The following KANSL3 variants were observed in gnomAD, a reference collection of about 807,000 sequenced individuals.
KANSL3 encodes the protein KAT8 regulatory NSL complex subunit 3, also known as NSL complex protein NSL3.
KANSL3 carries 16 observed loss-of-function variants against 89.2 expected under a neutral mutation model. That is an observed-to-expected ratio of 0.18 (90% CI 0.12 to 0.27). The LOEUF is 0.27. KANSL3 is among the 10% of genes least tolerant of loss of function. The pLI is 1.00. For synonymous variants in KANSL3, 385 were observed against 419.7 expected (o/e 0.92, Z 1.01); for missense variants, 879 against 1,110.6 (o/e 0.79, Z 2.96).
intron 18 of KANSL3, 92 bp downstream of exon 18, chr2:96,602,659 ACT>A (rs1352882727): frequency 6.2e-6 from 6 of 970,446 alleles, no homozygotes; most frequent in Non-Finnish European, 9.3e-6. Flanking sequence ...TCCTTGATCC[ACT>A]GACTCCAGAC....
At chr2:96,611,263 C>T (rs778007914) in intron 9 of KANSL3, 125 bp from the exon 10 acceptor site, 6 of 736,920 alleles carry the variant, frequency 8.1e-6, no homozygotes, top group Admixed American at 4.2e-5. Context: ...TCCTAATATC[C>T]GGGTGCATCT....
intron 14 of KANSL3, chr2:96,606,324 CTT>C (rs1293202566): frequency 1.3e-5 from 2 of 152,574 alleles, no homozygotes; most frequent in South Asian, 4.1e-4. Flanking sequence ...TACAGCCAAG[CTT>C]TTTGGACTCT....
chr2:96,611,230 C>G, intron 9 of KANSL3, 92 bp from the exon 10 acceptor site: 1 of 962,820 alleles, frequency 1.0e-6, no homozygotes, highest in South Asian at 1.3e-5. Flanking sequence ...ACCCACCAGA[C>G]AGTCTCACCT....
At chr2:96,612,998 G>T in intron 6 of KANSL3, 64 bp from the exon 7 acceptor site, 1 of 1,076,490 alleles carries the variant, frequency 9.3e-7, no homozygotes, top group Non-Finnish European at 1.4e-6. Flanking sequence ...GAAATTCCAA[G>T]TATCCCAATA....
chr2:96,617,452 CAAT>C (rs1488931348), intron 5 of KANSL3, among the ~76,000 whole-genome samples: 2 of 151,552 alleles, frequency 1.3e-5, no homozygotes, highest in Non-Finnish European at 2.9e-5. Context: ...ACATAAGAAA[CAAT>C]GAGTCTGCAA....
intron 17 of KANSL3, 119 bp downstream of exon 17, chr2:96,604,131 T>C (rs1012032048): frequency 2.5e-6 from 3 of 1,198,120 alleles, no homozygotes; most frequent in Non-Finnish European, 3.4e-6. Context: ...CTATGATCAC[T>C]CTAAGACCCA....
chr2:96,581,931 T>C, the KANSL3 span, among the ~76,000 whole-genome samples: 1 of 152,222 alleles, frequency 6.6e-6, no homozygotes, highest in African/African-American at 2.4e-5. Flanking sequence ...ATAAAAATAC[T>C]TCAGCTATTA....
At chr2:96,584,153 T>C in the KANSL3 span, among the ~76,000 whole-genome samples, 1 of 152,176 alleles carries the variant, frequency 6.6e-6, no homozygotes, top group African/African-American at 2.4e-5. Flanking sequence ...CTGTGGTGTG[T>C]CTATTCTTTT....
intron 20 of KANSL3, chr2:96,600,640 A>T (rs2067044498): frequency 3.0e-6 from 3 of 985,446 alleles, no homozygotes; most frequent in Non-Finnish European, 3.6e-6. Flanking sequence ...ATACTGAAGG[A>T]AAGCACACTC....
At position 96,612,808 on chromosome 2, in the gene KANSL3, C is replaced by A; in HGVS notation, c.912+10G>T. On this transcript the variant is annotated intron_variant, in intron 7 of 20. Coordinates refer to ENST00000431828, the MANE Select transcript of KANSL3 (RefSeq NM_001115016.3). ...TGCCAGGAAGGAGTTCCTCTTGCCC[C>A]CACACATACCTTGCCCAAGCAGGAC... The A allele has an allele frequency of 6.5e-7, 1 of 1,546,062 alleles. No homozygotes were observed. Among genetic ancestry groups the A allele is most frequent in the East Asian group, 2.4e-5 (1 of 41,250 alleles).
chr2:96,605,412 G>T lies in KANSL3; in HGVS notation c.1841C>A (p.Thr614Asn), dbSNP rs1220865921. 1 of 1,613,844 alleles carries T rather than the reference G, an allele frequency of 6.2e-7. No homozygotes were observed. Among genetic ancestry groups the T allele is most frequent in the African/African-American group, 1.3e-5 (1 of 74,936 alleles). The part of the protein sequence containing the change: ...HPSSPLPGSK[T>N]SKRPKIKVSL... Reference sequence around the variant, plus strand: ...CACCTTGATCTTCGGTCGTTTGGAGGTCTTACTGCCAGGAAGGGGACTCGA... The same window carrying T: ...CACCTTGATCTTCGGTCGTTTGGAGTTCTTACTGCCAGGAAGGGGACTCGA... Residue 614 changes from threonine (T) to asparagine (N), a missense_variant, in exon 15 of 21, where the codon ACC (threonine) becomes AAC (asparagine). Around this residue, in one of 6 missense-constraint regions of KANSL3, gnomAD observed 317 missense variants for 311.2 expected, o/e 1.02. Transcript: ENST00000431828.
At chr2:96,586,716 G>A in the KANSL3 span, among the ~76,000 whole-genome samples, 8 of 152,276 alleles carry the variant, frequency 5.3e-5, 1 homozygote, top group South Asian at 1.7e-3. Context: ...AGGCTTCAAC[G>A]CCTGGCCTTA....
intron 2 of KANSL3, among the ~76,000 whole-genome samples, chr2:96,633,295 C>T (rs917416468): frequency 2.0e-4 from 31 of 152,044 alleles, no homozygotes; most frequent in Admixed American, 1.9e-3. Context: ...TCAGGCTGGG[C>T]GTAGTGGCTC....
At chr2:96,618,935 C>T (rs1317327645) in intron 5 of KANSL3, among the ~76,000 whole-genome samples, 1 of 152,188 alleles carries the variant, frequency 6.6e-6, no homozygotes, top group African/African-American at 2.4e-5. Context: ...AGGCTCATGC[C>T]CTGGGGAGCA....
chr2:96,628,603 C>T (rs1157889068), intron 3 of KANSL3: 1 of 158,020 alleles, frequency 6.3e-6, no homozygotes, highest in South Asian at 1.8e-4. Flanking sequence ...TTGTAGTGAG[C>T]TGAGATCGTG....
At chr2:96,587,613 T>C in the KANSL3 span, among the ~76,000 whole-genome samples, 1 of 152,114 alleles carries the variant, frequency 6.6e-6, no homozygotes, top group Non-Finnish European at 1.5e-5. Flanking sequence ...CCCAGTTTCA[T>C]CCAAAACCAC....
intron 9 of KANSL3, among the ~76,000 whole-genome samples, chr2:96,611,832 G>A (rs1194303556): frequency 6.6e-6 from 1 of 151,394 alleles, no homozygotes; most frequent in Non-Finnish European, 1.5e-5. Context: ...TTTTAGGTGG[G>A]AGAACAGTAT....
chr2:96,637,138 C>A lies in KANSL3; in HGVS notation c.-3G>T, dbSNP rs755420035. 4 of 1,548,024 alleles carry A rather than the reference C, an allele frequency of 2.6e-6. No homozygotes were observed. Among genetic ancestry groups the A allele is most frequent in the Non-Finnish European group, 3.5e-6 (4 of 1,144,280 alleles). On this transcript the variant is annotated 5_prime_UTR_variant, in exon 2 of 21. Transcript: ENST00000431828. ...CTCTCCCCACCCCGGTGGGCCATGT[C>A]AGTGGAGGGGCAGAAAGTCAGAGCA...
chr2:96,593,289 GTCTTCC>G lies in KANSL3; in HGVS notation c.*2316_*2321del, dbSNP rs1280186872. 2 of 455,946 alleles carry G rather than the reference GTCTTCC, an allele frequency of 4.4e-6. No homozygotes were observed. The highest frequency in any genetic ancestry group is 8.8e-6 in the Non-Finnish European group (2 of 226,804). The allele number at this position is 455,946 out of a possible 1,614,324, so 28.2% of individuals were successfully genotyped here. A position where few individuals can be genotyped will look rare whatever the true frequency, so the allele number is the denominator to read the frequency against. ...TAGTGGTGAAACCAAGAGTAGACAG[GTCTTCC>G]TACCTCAGTGACCTCAAAACACAAG... is the stretch of plus-strand genomic sequence containing the variant. On this transcript the variant is annotated 3_prime_UTR_variant, in exon 21 of 21. Coordinates refer to ENST00000431828, the MANE Select transcript of KANSL3 (RefSeq NM_001115016.3).
Sources: gnomAD v4.1 joint callset for allele counts (sites outside exome capture counted in the v4.1 genomes callset) on GRCh38, gnomAD v4.1.1 for gene constraint, gnomAD v4.1.1 regional missense constraint, MANE v1.5 for transcripts, NCBI Gene and HGNC (gene_info 2026-07-23, HGNC 2026-07-21) for gene names.